Variants in ZMYND11 observed in about 807,000 individuals in gnomAD.
The protein encoded by ZMYND11 is zinc finger MYND-type containing 11.
ZMYND11 carries 9 observed loss-of-function variants against 84.9 expected under a neutral mutation model. That is an observed-to-expected ratio of 0.11 (90% CI 0.06 to 0.18). ZMYND11 has a LOEUF of 0.18. ZMYND11 is among the 10% of genes least tolerant of loss of function. The pLI is 1.00. For synonymous variants in ZMYND11, 250 were observed against 244.1 expected, an observed-to-expected ratio of 1.02 and a Z score of -0.23; for missense variants, 409 against 761.0, an observed-to-expected ratio of 0.54 and a Z score of 5.44.
At chr10:216,271 C>T (rs2131355804) in intron 3 of ZMYND11, among the ~76,000 whole-genome samples, 1 of 152,294 alleles carries the variant, frequency 6.6e-6, no homozygotes, top group East Asian at 1.9e-4. Context: ...GAGCCTGACT[C>T]CCCAACCCCC....
At chr10:134,153 T>A (rs1231545660), upstream of ZMYND11, among the ~76,000 whole-genome samples, 2 of 151,918 alleles carry the variant, frequency 1.3e-5, no homozygotes, top group African/African-American at 4.8e-5. Flanking sequence ...TATAATAAAG[T>A]TTAATTTAGA....
At chr10:134,376 G>T (rs1588310335), upstream of ZMYND11, 1 of 152,226 alleles carries the variant, frequency 6.6e-6, no homozygotes, top group African/African-American at 2.4e-5. Flanking sequence ...CGCTATCAAA[G>T]TATGCTTATC....
At chr10:227,022 T>C (rs911867055) in intron 4 of ZMYND11, among the ~76,000 whole-genome samples, 2 of 152,216 alleles carry the variant, frequency 1.3e-5, no homozygotes, top group Non-Finnish European at 2.9e-5. Context: ...AATTTTATGT[T>C]AATGTACAAA....
upstream of ZMYND11, chr10:135,018 C>T (rs1369170251): frequency 1.3e-5 from 2 of 149,188 alleles, no homozygotes; most frequent in Admixed American, 6.7e-5. The surrounding 1 kb of genome is among the most constrained non-coding windows in gnomAD (Gnocchi z 5.6). Context: ...GCGCCTCGAC[C>T]CGACACAATA....
At chr10:170,878 C>CTA (rs1845165520) in intron 1 of ZMYND11, among the ~76,000 whole-genome samples, 1 of 151,912 alleles carries the variant, frequency 6.6e-6, no homozygotes, top group Non-Finnish European at 1.5e-5. Context: ...CTAAACACAG[C>CTA]CATTAAAAGA....
At chr10:218,144 A>G (rs1946500290) in intron 3 of ZMYND11, among the ~76,000 whole-genome samples, 1 of 152,212 alleles carries the variant, frequency 6.6e-6, no homozygotes, top group Admixed American at 6.5e-5. Flanking sequence ...ATATTTTTCT[A>G]ATATCATTAT....
At chr10:170,200 A>G (rs1237867993) in intron 1 of ZMYND11, among the ~76,000 whole-genome samples, 1 of 152,132 alleles carries the variant, frequency 6.6e-6, no homozygotes, top group Non-Finnish European at 1.5e-5. Context: ...ATAAAAAGTA[A>G]AGATACAGAC....
chr10:201,707 T>C (rs1943199090), intron 2 of ZMYND11, among the ~76,000 whole-genome samples: 1 of 151,918 alleles, frequency 6.6e-6, no homozygotes, highest in South Asian at 2.1e-4. Context: ...CAGCGTCCCA[T>C]GGAAGCTCGC....
At chr10:140,514 A>G (rs1409205607) in intron 1 of ZMYND11, among the ~76,000 whole-genome samples, 3 of 152,238 alleles carry the variant, frequency 2.0e-5, no homozygotes, top group East Asian at 3.8e-4. Flanking sequence ...TGTGTTATCC[A>G]TTATTAGGTC....
intron 1 of ZMYND11, among the ~76,000 whole-genome samples, chr10:173,908 ATGT>A (rs1261217214): frequency 6.6e-6 from 1 of 152,160 alleles, no homozygotes; most frequent in Non-Finnish European, 1.5e-5. Context: ...ACAATACCAA[ATGT>A]TGATGAGGAT....
At chr10:187,394 GGAGGCC>G (rs1938928108) in intron 2 of ZMYND11, among the ~76,000 whole-genome samples, 1 of 152,180 alleles carries the variant, frequency 6.6e-6, no homozygotes. Flanking sequence ...CAGCACTTTG[GGAGGCC>G]GAGGCGGGCG....
intron 1 of ZMYND11, chr10:154,830 TATA>T (rs1391391438): frequency 6.6e-6 from 1 of 152,180 alleles, no homozygotes; most frequent in African/African-American, 2.4e-5. Flanking sequence ...ACAAATGAAA[TATA>T]AGAAAATTTC....
chr10:242,831 AAACAGAAGTG>A (rs1313699974), intron 10 of ZMYND11, among the ~76,000 whole-genome samples: 29 of 152,290 alleles, frequency 1.9e-4, no homozygotes, highest in African/African-American at 7.0e-4. Flanking sequence ...AATTTAATTT[AAACAGAAGTG>A]TAGTTATAAG....
intron 2 of ZMYND11, among the ~76,000 whole-genome samples, chr10:185,824 A>AAC (rs1554769527): frequency 2.5e-4 from 37 of 150,714 alleles, no homozygotes; most frequent in Non-Finnish European, 4.3e-4. Flanking sequence ...AAAAAAACAA[A>AAC]AAAACAAAAA....
intron 14 of ZMYND11, among the ~76,000 whole-genome samples, chr10:250,436 A>G (rs1006903249): frequency 6.6e-6 from 1 of 152,236 alleles, no homozygotes; most frequent in African/African-American, 2.4e-5. Context: ...GCAAGGTTGC[A>G]GAGAGGTGTC....
chr10:240,128 A>C lies in ZMYND11; in HGVS notation c.753+17A>C, dbSNP rs767635845. 6.3e-7 allele frequency: 1 copy of C among 1,581,220 alleles called. No individual in the cohort carries two copies. Among genetic ancestry groups the C allele is most frequent in the Non-Finnish European group, 8.6e-7 (1 of 1,158,228 alleles). On this transcript the variant is annotated intron_variant, in intron 8 of 14. Transcript: ENST00000381604. ...TGTCATGAGGTACTATTCATTGCCC[A>C]ATAGTTATACTCTTTCTATAACTGA...
chr10:165,356 C>G (rs1458901076), intron 1 of ZMYND11, among the ~76,000 whole-genome samples: 3 of 152,080 alleles, frequency 2.0e-5, no homozygotes, highest in Non-Finnish European at 4.4e-5. Flanking sequence ...CACTTTCTAC[C>G]ATATTCTCTC....
At chr10:186,335 G>A (rs1169881829) in intron 2 of ZMYND11, among the ~76,000 whole-genome samples, 6 of 151,588 alleles carry the variant, frequency 4.0e-5, no homozygotes, top group Non-Finnish European at 7.4e-5. Context: ...AGCAAGACTT[G>A]GGTTGCAGTT....
chr10:152,877 G>C (rs997546947), intron 1 of ZMYND11, among the ~76,000 whole-genome samples: 1 of 152,210 alleles, frequency 6.6e-6, no homozygotes, highest in Non-Finnish European at 1.5e-5. Context: ...AGACCACAGT[G>C]CAATCAAACT....
Sources: allele counts gnomAD v4.1 joint callset (sites outside exome capture counted in the v4.1 genomes callset), GRCh38; gene constraint gnomAD v4.1.1; non-coding constraint Gnocchi (gnomAD v3.1); transcripts MANE v1.5; gene names NCBI Gene and HGNC (gene_info 2026-07-23, HGNC 2026-07-21).